SLC41A2: variants seen among roughly 807,000 people sequenced by gnomAD.
SLC41A2 encodes solute carrier family 41 member 2, also known as SLC41A1-like 1.
A neutral mutation model predicts 58.3 loss-of-function variants in SLC41A2; 32 were observed. The observed-to-expected ratio is 0.55, with a 90% CI of 0.41 to 0.74. The LOEUF (loss-of-function observed/expected upper bound fraction) is 0.74, where lower values mean the gene tolerates loss of function less well. SLC41A2 is among the 30% of genes least tolerant of loss of function. The pLI, the probability that SLC41A2 is intolerant of heterozygous loss-of-function variation, is 0.00. For missense variants in SLC41A2, 514 were observed against 680.6 expected (o/e 0.76, Z 2.72); for synonymous variants, 190 against 235.0 (o/e 0.81, Z 1.75).
At chr12:104,918,627 TG>T (rs2046439503) in intron 2 of SLC41A2, among the ~76,000 whole-genome samples, 1 of 34,134 alleles carries the variant, frequency 2.9e-5, no homozygotes, top group South Asian at 5.7e-4. Context: ...AGGAGATACA[TG>T]AAAAAAAAAA....
chr12:104,866,587 TAAAAAA>T lies in SLC41A2; in HGVS notation c.1028-14_1028-9del. The T allele has an allele frequency of 5.2e-6, 7 of 1,339,522 alleles. No homozygotes were observed. Among genetic ancestry groups the T allele is most frequent in the Non-Finnish European group, 5.0e-6 (5 of 1,002,700 alleles). The allele number at this position is 1,339,522 out of a possible 1,614,324, so 83.0% of individuals were successfully genotyped here. A position where few individuals can be genotyped will look rare whatever the true frequency, so the allele number is the denominator to read the frequency against. ...AAATGTAGTAATAGGTCTCTAAAAT[TAAAAAA>T]AAAAAAAAAAAGAGAGACAACATTT... On this transcript the variant is annotated splice_polypyrimidine_tract_variant and intron_variant, in intron 6 of 10. Coordinates refer to ENST00000258538, the MANE Select transcript of SLC41A2 (RefSeq NM_001352171.3).
At chr12:104,888,071 A>T (rs1431884217) in intron 5 of SLC41A2, among the ~76,000 whole-genome samples, 5 of 152,072 alleles carry the variant, frequency 3.3e-5, no homozygotes, top group Admixed American at 1.3e-4. Flanking sequence ...GAGCCTAAAA[A>T]AATAGCATGC....
chr12:104,895,841 T>C (rs954389466), intron 3 of SLC41A2, among the ~76,000 whole-genome samples: 6 of 152,186 alleles, frequency 3.9e-5, no homozygotes, highest in African/African-American at 1.4e-4. Context: ...AAATTCATTG[T>C]TTACAAATTA....
intron 1 of SLC41A2, among the ~76,000 whole-genome samples, chr12:104,946,301 A>G (rs887956088): frequency 2.0e-5 from 3 of 152,104 alleles, no homozygotes; most frequent in Admixed American, 1.3e-4. Flanking sequence ...GTCTCACTCT[A>G]TTGCCCAGGA....
At chr12:104,817,799 A>G (rs2041473352) in intron 10 of SLC41A2, among the ~76,000 whole-genome samples, 1 of 151,578 alleles carries the variant, frequency 6.6e-6, no homozygotes, top group African/African-American at 2.4e-5. Context: ...TAGCGTACAC[A>G]CTAGGTACAG....
Position 104,957,723 on chromosome 12 carries a change from T to C in SLC41A2, c.-168+365A>G, listed in dbSNP as rs573755956. Among the ~76,000 whole-genome samples, 16 of 152,326 alleles carry C rather than the reference T, an allele frequency of 1.1e-4. No homozygotes were observed. The East Asian group carries it at 3.1e-3, about 29-fold the overall frequency. The stretch of plus-strand genomic sequence containing the variant: ...GCACTCGCGGAGCCCTGAACAGGCA[T>C]CTGGGGTGTGCCCGAGCCAGCCTCG... On this transcript the variant is annotated intron_variant, in intron 1 of 10. Coordinates refer to ENST00000258538, the MANE Select transcript of SLC41A2 (RefSeq NM_001352171.3).
chr12:104,891,126 T>G (rs796811447), intron 4 of SLC41A2, among the ~76,000 whole-genome samples: 6 of 152,294 alleles, frequency 3.9e-5, no homozygotes, highest in African/African-American at 1.4e-4. Flanking sequence ...TGTCTACTTG[T>G]GACTGGGCTT....
chr12:104,904,837 A>G (rs887945030), intron 3 of SLC41A2, among the ~76,000 whole-genome samples: 1 of 152,246 alleles, frequency 6.6e-6, no homozygotes, highest in African/African-American at 2.4e-5. Flanking sequence ...TGAGTGTTAC[A>G]GCTCATAAAA....
chr12:104,860,531 CA>C (rs1593013848), intron 8 of SLC41A2, among the ~76,000 whole-genome samples: 1 of 151,532 alleles, frequency 6.6e-6, no homozygotes, highest in Non-Finnish European at 1.5e-5. Context: ...TCATAGATAA[CA>C]AAAAAATATA....
intron 1 of SLC41A2, among the ~76,000 whole-genome samples, chr12:104,957,887 G>T (rs1188556294): frequency 6.6e-6 from 1 of 152,062 alleles, no homozygotes; most frequent in African/African-American, 2.4e-5. Flanking sequence ...CAGGCGCGGG[G>T]GCCTGGGCTC....
Position 104,928,295 on chromosome 12 carries a change from T to C in SLC41A2, c.233A>G (p.Asn78Ser). The change falls in exon 2 of 11, where the codon AAT (asparagine) becomes AGT (serine). Residue 78 changes from asparagine to serine, a missense_variant. Coordinates refer to ENST00000258538, the MANE Select transcript of SLC41A2 (RefSeq NM_001352171.3). ...ATACTCCATGTGTTGCTCAGATCTA[T>C]TACTAAAAGTCTGTACTGCAGTTGA... ...GLSTAVQTFS[N>S]RSEQHMEYHS... The C allele has an allele frequency of 6.2e-7, 1 of 1,612,850 alleles. No individual in the cohort carries two copies. Among genetic ancestry groups the C allele is most frequent in the Non-Finnish European group, 8.5e-7 (1 of 1,179,116 alleles).
At chr12:104,824,817 C>T (rs759770239) in intron 10 of SLC41A2, among the ~76,000 whole-genome samples, 2 of 152,152 alleles carry the variant, frequency 1.3e-5, no homozygotes, top group Non-Finnish European at 2.9e-5. Flanking sequence ...ACTCCCATCA[C>T]GTGCCCTGAG....
chr12:104,845,316 C>T (rs1265784997), intron 9 of SLC41A2, among the ~76,000 whole-genome samples: 1 of 151,822 alleles, frequency 6.6e-6, no homozygotes, highest in Non-Finnish European at 1.5e-5. Flanking sequence ...TTTTCTAAAA[C>T]AAAAGTCAAT....
chr12:104,940,529 A>G (rs1328763802), intron 1 of SLC41A2, among the ~76,000 whole-genome samples: 2 of 71,622 alleles, frequency 2.8e-5, no homozygotes, highest in Non-Finnish European at 5.0e-5. Flanking sequence ...ATAAAATATA[A>G]GCTAAAAAAA....
intron 1 of SLC41A2, among the ~76,000 whole-genome samples, chr12:104,942,371 T>C (rs976381419): frequency 4.0e-5 from 6 of 151,100 alleles, no homozygotes; most frequent in African/African-American, 1.5e-4. Context: ...TCAGCTACTC[T>C]GGAGACTGAG....
chr12:104,926,686 G>C (rs1253532941), intron 2 of SLC41A2, among the ~76,000 whole-genome samples: 1 of 151,232 alleles, frequency 6.6e-6, no homozygotes, highest in African/African-American at 2.4e-5. Flanking sequence ...CACAGAAAAA[G>C]AATGGCCAAT....
Position 104,845,940 on chromosome 12 carries a change from G to C in SLC41A2, c.1290C>G (p.Ser430Arg). Reference protein sequence around the residue: ...IGGNLVAIQASRISTYLHLHS... With the variant: ...IGGNLVAIQARRISTYLHLHS... ...GTAAATGGAGGTAGGTAGAAATCCT[G>C]CTAGCCTGAATGGCCACCAAATTAC... is the stretch of plus-strand genomic sequence containing the variant. Residue 430 changes from serine (S) to arginine (R), a missense_variant, in exon 9 of 11, where the codon AGC (serine) becomes AGG (arginine). Physicochemically the swap from Ser to Arg is moderately radical, Grantham distance 110. Coordinates refer to ENST00000258538, the MANE Select transcript of SLC41A2 (RefSeq NM_001352171.3). 1 of 1,613,680 alleles carries C rather than the reference G, an allele frequency of 6.2e-7. No individual in the cohort carries two copies. The highest frequency in any genetic ancestry group is 8.5e-7 in the Non-Finnish European group (1 of 1,179,748).
chr12:104,831,369 G>GA (rs2042030218), intron 10 of SLC41A2, among the ~76,000 whole-genome samples: 1 of 152,048 alleles, frequency 6.6e-6, no homozygotes, highest in South Asian at 2.1e-4. Context: ...GAGCCACCAT[G>GA]ACCTGCCAAA....
At chr12:104,852,077 A>G (rs1188109630) in intron 8 of SLC41A2, among the ~76,000 whole-genome samples, 2 of 152,264 alleles carry the variant, frequency 1.3e-5, no homozygotes, top group East Asian at 3.8e-4. Context: ...ATTTAACTAC[A>G]TAATGCAAGC....
Sources: allele counts gnomAD v4.1 joint callset (sites outside exome capture counted in the v4.1 genomes callset), GRCh38; gene constraint gnomAD v4.1.1; transcripts MANE v1.5; gene names NCBI Gene and HGNC (gene_info 2026-07-23, HGNC 2026-07-21).